Variants in HLCS observed in about 807,000 individuals in gnomAD.
HLCS encodes the protein biotin--protein ligase.
HLCS carries 53 observed loss-of-function variants against 75.0 expected under a neutral mutation model. The ratio of observed to expected loss-of-function variants is 0.71; its 90% CI spans 0.57 to 0.89. The LOEUF (loss-of-function observed/expected upper bound fraction) is 0.89, where lower values mean the gene tolerates loss of function less well. HLCS is among the 40% of genes least tolerant of loss of function. HLCS has a pLI of 0.00. For missense variants in HLCS, 966 were observed against 1,074.0 expected, an observed-to-expected ratio of 0.90 and a Z score of 1.41; for synonymous variants, 431 against 428.6, an observed-to-expected ratio of 1.01 and a Z score of -0.07.
chr21:36,904,074 G>C (rs1286673441), intron 5 of HLCS, among the ~76,000 whole-genome samples: 1 of 152,128 alleles, frequency 6.6e-6, no homozygotes, highest in Non-Finnish European at 1.5e-5. Context: ...CCAGAACCAA[G>C]AGCTAAATAA....
At chr21:36,769,980 C>A (rs978804663) in intron 6 of HLCS, among the ~76,000 whole-genome samples, 1 of 152,200 alleles carries the variant, frequency 6.6e-6, no homozygotes, top group Admixed American at 6.6e-5. Flanking sequence ...ATGGAAACAA[C>A]CTCACTGTTA....
At chr21:36,807,613 G>A (rs952106719) in intron 6 of HLCS, among the ~76,000 whole-genome samples, 11 of 152,156 alleles carry the variant, frequency 7.2e-5, no homozygotes, top group African/African-American at 2.2e-4. Flanking sequence ...CCAGAGGTTC[G>A]TCCTCACAAT....
At chr21:36,785,477 C>T (rs2060659974) in intron 6 of HLCS, among the ~76,000 whole-genome samples, 1 of 152,304 alleles carries the variant, frequency 6.6e-6, no homozygotes, top group Middle Eastern at 3.4e-3. Context: ...GGGCTGACCC[C>T]TTGAGACCTG....
At chr21:36,758,445 T>C (rs760619230) in intron 9 of HLCS, among the ~76,000 whole-genome samples, 4 of 152,124 alleles carry the variant, frequency 2.6e-5, no homozygotes, top group Non-Finnish European at 5.9e-5. Flanking sequence ...AGGGTCTCAC[T>C]CTGTCATCCA....
intron 5 of HLCS, among the ~76,000 whole-genome samples, chr21:36,922,602 G>A (rs911386719): frequency 3.9e-5 from 6 of 152,164 alleles, no homozygotes; most frequent in East Asian, 1.9e-4. Flanking sequence ...CTGAGGGACC[G>A]ACAGACGGAC....
At chr21:36,825,234 G>A (rs1049387059) in intron 6 of HLCS, among the ~76,000 whole-genome samples, 5 of 151,858 alleles carry the variant, frequency 3.3e-5, no homozygotes, top group South Asian at 2.1e-4. Flanking sequence ...AAATAAATAC[G>A]AAACTGATCC....
intron 6 of HLCS, among the ~76,000 whole-genome samples, chr21:36,861,012 A>G (rs1443440207): frequency 1.3e-5 from 2 of 152,198 alleles, no homozygotes; most frequent in Non-Finnish European, 2.9e-5. Context: ...ACCTCTCCCA[A>G]TGGTGGTTAT....
chr21:36,835,553 C>T (rs1486308630), intron 6 of HLCS, among the ~76,000 whole-genome samples: 1 of 152,192 alleles, frequency 6.6e-6, no homozygotes, highest in Non-Finnish European at 1.5e-5. Context: ...CTCTGGGCTG[C>T]AGGGTAGTAT....
intron 2 of HLCS, among the ~76,000 whole-genome samples, chr21:36,947,127 G>A (rs1382197609): frequency 1.3e-5 from 2 of 152,138 alleles, no homozygotes; most frequent in African/African-American, 2.4e-5. Flanking sequence ...GACTCAACCC[G>A]GAATTTAGCT....
intron 7 of HLCS, 152 bp downstream of exon 7, chr21:36,767,066 C>T (rs2090063171): frequency 2.7e-6 from 2 of 753,372 alleles, no homozygotes; most frequent in African/African-American, 3.4e-5. Context: ...TTCCCTCTTC[C>T]TCTTCCTCCA....
intron 6 of HLCS, among the ~76,000 whole-genome samples, chr21:36,850,466 C>G (rs2062955297): frequency 6.6e-6 from 1 of 152,178 alleles, no homozygotes. Flanking sequence ...AGAGACTGCT[C>G]TCTATCCTGC....
At chr21:36,785,231 C>G (rs374218415) in intron 6 of HLCS, among the ~76,000 whole-genome samples, 1 of 152,172 alleles carries the variant, frequency 6.6e-6, no homozygotes, top group African/African-American at 2.4e-5. Context: ...TCAACCAACA[C>G]GCCAGAGCTC....
intron 6 of HLCS, among the ~76,000 whole-genome samples, chr21:36,791,452 A>G (rs1450456361): frequency 1.3e-5 from 2 of 152,234 alleles, no homozygotes; most frequent in Non-Finnish European, 2.9e-5. Flanking sequence ...TAAAGGCAAT[A>G]CATCAAACAT....
In HLCS at chr21:36,908,163, T is replaced by C. The variant is rs188025622; in HGVS notation, c.1621-11032A>G. Among the ~76,000 whole-genome samples, 381 of 151,924 alleles carry C rather than the reference T, an allele frequency of 2.5e-3. 2 individuals carry two copies. The highest frequency in any genetic ancestry group is 8.5e-3 in the African/African-American group (350 of 41,414). On this transcript the variant is annotated intron_variant, in intron 5 of 10. Coordinates refer to ENST00000674895, the MANE Select transcript of HLCS (RefSeq NM_001352514.2). ...ATTCTGGGAGGCTGAGGCAAGAGGATTGCTTGAGCCCAGGAATCTGAGACC... is the reference window on the plus strand; with the variant it reads ...ATTCTGGGAGGCTGAGGCAAGAGGACTGCTTGAGCCCAGGAATCTGAGACC...
intron 6 of HLCS, among the ~76,000 whole-genome samples, chr21:36,892,739 G>C (rs576266463): frequency 1.3e-5 from 2 of 152,180 alleles, no homozygotes; most frequent in Non-Finnish European, 2.9e-5. Flanking sequence ...GCTGGTGCAG[G>C]TTCCATGATG....
chr21:36,865,879 C>T (rs1438326118), intron 6 of HLCS, among the ~76,000 whole-genome samples: 6 of 152,078 alleles, frequency 3.9e-5, no homozygotes, highest in African/African-American at 1.2e-4. Context: ...GTGCTGAGTC[C>T]GATTTTTTAA....
intron 6 of HLCS, among the ~76,000 whole-genome samples, chr21:36,837,816 C>T (rs1199558025): frequency 6.6e-6 from 1 of 151,976 alleles, no homozygotes; most frequent in Non-Finnish European, 1.5e-5. Context: ...CCAGCCCAGC[C>T]CCTGTTGATA....
intron 6 of HLCS, among the ~76,000 whole-genome samples, chr21:36,880,155 T>A (rs114446448): frequency 6.6e-6 from 1 of 152,266 alleles, no homozygotes; most frequent in African/African-American, 2.4e-5. Flanking sequence ...TTGGTGCACT[T>A]CATGACAATT....
chr21:36,909,499 G>C (rs2065608818), intron 5 of HLCS, among the ~76,000 whole-genome samples: 1 of 152,194 alleles, frequency 6.6e-6, no homozygotes, highest in Admixed American at 6.5e-5. Flanking sequence ...CAAATTCACA[G>C]AAGTGACTAC....
Sources: gnomAD v4.1 joint callset for allele counts (sites outside exome capture counted in the v4.1 genomes callset) on GRCh38, gnomAD v4.1.1 for gene constraint, MANE v1.5 for transcripts, NCBI Gene and HGNC (gene_info 2026-07-23, HGNC 2026-07-21) for gene names.